Variants in BRD10 observed in about 807,000 individuals in gnomAD.
The protein encoded by BRD10 is bromodomain containing 10, also known as uncharacterized bromodomain-containing protein 10.
the BRD10 span, among the ~76,000 whole-genome samples, chr9:5,966,713 C>T: frequency 2.0e-5 from 3 of 152,044 alleles, no homozygotes; most frequent in African/African-American, 7.2e-5. Context: ...CCCCCTCGGC[C>T]TCCCAAAATG....
chr9:5,960,469 G>A, the BRD10 span, among the ~76,000 whole-genome samples: 1 of 151,826 alleles, frequency 6.6e-6, no homozygotes, highest in African/African-American at 2.4e-5. Context: ...GGCTGAGGCA[G>A]GAGAATTGCT....
chr9:5,882,975 C>T, the BRD10 span, among the ~76,000 whole-genome samples: 2 of 151,902 alleles, frequency 1.3e-5, no homozygotes, highest in African/African-American at 4.8e-5. Context: ...CACTTGGACA[C>T]AGGAAGGGGA....
chr9:5,983,778 A>T, the BRD10 span, among the ~76,000 whole-genome samples: 1 of 152,108 alleles, frequency 6.6e-6, no homozygotes, highest in Non-Finnish European at 1.5e-5. Flanking sequence ...CAAATTGATG[A>T]AAGCTAATTA....
the BRD10 span, among the ~76,000 whole-genome samples, chr9:5,990,480 T>C: frequency 6.6e-6 from 1 of 152,188 alleles, no homozygotes; most frequent in South Asian, 2.1e-4. Context: ...TATGGCTAAA[T>C]TGTTACATAA....
the BRD10 span, chr9:5,908,495 T>C: frequency 1.2e-4 from 90 of 720,988 alleles, no homozygotes; most frequent in South Asian, 1.6e-3. Flanking sequence ...TAACAATTAC[T>C]TCACTGGGCA....
At chr9:5,911,112 T>C in the BRD10 span, among the ~76,000 whole-genome samples, 3 of 152,256 alleles carry the variant, frequency 2.0e-5, no homozygotes, top group Non-Finnish European at 2.9e-5. Context: ...CAAGAAATCT[T>C]TGCTCACTCC....
chr9:5,983,522 G>C, the BRD10 span, among the ~76,000 whole-genome samples: 1 of 151,970 alleles, frequency 6.6e-6, no homozygotes, highest in African/African-American at 2.4e-5. Context: ...TTAGAGATTA[G>C]AAATTAAAAC....
At chr9:5,888,240 T>G in the BRD10 span, among the ~76,000 whole-genome samples, 2 of 152,208 alleles carry the variant, frequency 1.3e-5, no homozygotes, top group African/African-American at 4.8e-5. Context: ...CTGAAATGCT[T>G]CTGGGCTGTC....
At chr9:5,999,042 A>G in the BRD10 span, among the ~76,000 whole-genome samples, 2 of 152,034 alleles carry the variant, frequency 1.3e-5, no homozygotes, top group Non-Finnish European at 2.9e-5. Flanking sequence ...ATAAAAACTA[A>G]GCTGTCAAAT....
chr9:5,913,264 A>G, the BRD10 span, among the ~76,000 whole-genome samples: 3 of 152,206 alleles, frequency 2.0e-5, no homozygotes, highest in African/African-American at 4.8e-5. Flanking sequence ...CATTTAGTAA[A>G]TATCTGGACA....
chr9:5,988,142 G>A, the BRD10 span, among the ~76,000 whole-genome samples: 3 of 152,104 alleles, frequency 2.0e-5, no homozygotes, highest in African/African-American at 7.2e-5. Context: ...ATATTCTGTA[G>A]AAATTATTTT....
At chr9:5,913,932 G>A in the BRD10 span, 38 of 424,982 alleles carry the variant, frequency 8.9e-5, no homozygotes, top group East Asian at 1.1e-3. Context: ...GAAGCATGAC[G>A]CCTACAGGAA....
chr9:5,940,495 T>C, the BRD10 span, among the ~76,000 whole-genome samples: 1 of 152,192 alleles, frequency 6.6e-6, no homozygotes, highest in Non-Finnish European at 1.5e-5. Flanking sequence ...GCCTGGCCTA[T>C]TGTGTATGTT....
chr9:5,920,311 G>A, the BRD10 span: 1 of 1,613,930 alleles, frequency 6.2e-7, no homozygotes, highest in Non-Finnish European at 8.5e-7. Flanking sequence ...CAATAAACCG[G>A]GTTCCGTTAA....
At chr9:5,975,439 CAAAAAAAAAAAAAA>C in the BRD10 span, among the ~76,000 whole-genome samples, 1 of 61,222 alleles carries the variant, frequency 1.6e-5, no homozygotes, top group Non-Finnish European at 2.7e-5. Context: ...AACTCCATCT[CAAAAAAAAAAAAAA>C]AAAAAAAAAA....
At chr9:5,922,737 C>A in the BRD10 span, 3 of 1,613,936 alleles carry the variant, frequency 1.9e-6, no homozygotes, top group Admixed American at 3.3e-5. Context: ...ATAGGCTGCA[C>A]CTGAATCTTT....
At chr9:5,901,710 T>C in the BRD10 span, among the ~76,000 whole-genome samples, 10 of 150,784 alleles carry the variant, frequency 6.6e-5, no homozygotes, top group African/African-American at 2.2e-4. Flanking sequence ...TCGGTAGAGA[T>C]GGGGTTTCAC....
the BRD10 span, among the ~76,000 whole-genome samples, chr9:6,006,938 A>T: frequency 1.3e-5 from 2 of 152,182 alleles, no homozygotes; most frequent in African/African-American, 4.8e-5. Context: ...TCCATTTTAC[A>T]TCTGCAAACT....
At chr9:5,932,834 T>G in the BRD10 span, among the ~76,000 whole-genome samples, 1 of 152,210 alleles carries the variant, frequency 6.6e-6, no homozygotes, top group African/African-American at 2.4e-5. Flanking sequence ...GATTATCTTG[T>G]GTAAGTACCT....
Sources: gnomAD v4.1 joint callset for allele counts (sites outside exome capture counted in the v4.1 genomes callset) on GRCh38, gnomAD v4.1.1 for gene constraint, MANE v1.5 for transcripts, NCBI Gene and HGNC (gene_info 2026-07-23, HGNC 2026-07-21) for gene names.